PIGK: variants seen among roughly 807,000 people sequenced by gnomAD.
The protein encoded by PIGK is GPI-anchor transamidase.
A neutral mutation model predicts 50.6 loss-of-function variants in PIGK; 42 were observed. The observed-to-expected ratio is 0.83, with a 90% confidence interval of 0.65 to 1.07. PIGK has a LOEUF of 1.07. Ranked by LOEUF, PIGK falls within the 50% of genes least tolerant of loss-of-function variation. The pLI, the probability that PIGK is intolerant of heterozygous loss-of-function variation, is 0.00. For missense variants in PIGK, 448 were observed against 488.7 expected, an observed-to-expected ratio of 0.92 and a Z score of 0.78; for synonymous variants, 151 against 156.0, an observed-to-expected ratio of 0.97 and a Z score of 0.24.
At chr1:77,212,095 A>C (rs1656434281) in intron 1 of PIGK, among the ~76,000 whole-genome samples, 1 of 152,256 alleles carries the variant, frequency 6.6e-6, no homozygotes, top group Admixed American at 6.5e-5. Context: ...TCACCAATCT[A>C]TTAAAGTAAG....
chr1:77,147,944 T>C, intron 9 of PIGK, among the ~76,000 whole-genome samples: 1 of 152,250 alleles, frequency 6.6e-6, no homozygotes, highest in East Asian at 1.9e-4. Flanking sequence ...ATCAGTTTTA[T>C]GTACTAAAGT....
At position 77,148,290 on chromosome 1, in the gene PIGK, G is replaced by A. The variant is rs1415854500; in HGVS notation, c.986+6159C>T. ...CTATGTAAAAATTCCTGAACCACTG[G>A]GAGCCTGATTCTCATAAATTAACTG... On this transcript the variant is annotated intron_variant, in intron 9 of 10. Coordinates refer to ENST00000370812, the MANE Select transcript of PIGK (RefSeq NM_005482.3). Among the ~76,000 whole-genome samples, 4 of 152,030 alleles carry A rather than the reference G, an allele frequency of 2.6e-5. No individual in the cohort carries two copies. In the East Asian group the frequency reaches 7.7e-4, roughly 29 times the overall value.
chr1:77,203,988 T>C (rs1370592905), intron 3 of PIGK, among the ~76,000 whole-genome samples: 2 of 152,198 alleles, frequency 1.3e-5, no homozygotes, highest in Admixed American at 6.5e-5. Context: ...TTGAACAATA[T>C]GAAATCTGGG....
chr1:77,209,766 C>T (rs1656373992), intron 2 of PIGK, among the ~76,000 whole-genome samples: 1 of 152,178 alleles, frequency 6.6e-6, no homozygotes, highest in African/African-American at 2.4e-5. Flanking sequence ...TCCATACCTA[C>T]TGGCAGGGAA....
At chr1:77,126,880 T>G (rs541203151) in intron 9 of PIGK, among the ~76,000 whole-genome samples, 27 of 152,174 alleles carry the variant, frequency 1.8e-4, no homozygotes, top group Non-Finnish European at 3.8e-4. Context: ...TTTGAGTCAT[T>G]TCAGAAGCCC....
intron 9 of PIGK, chr1:77,129,721 AT>A: frequency 1.5e-6 from 1 of 649,612 alleles, no homozygotes; most frequent in African/African-American, 2.6e-5. Context: ...ATAAAAATAA[AT>A]AAATAAATAA....
chr1:77,188,038 G>A (rs4949776), intron 3 of PIGK, among the ~76,000 whole-genome samples: 26,640 of 152,116 alleles, frequency 0.18, 2,529 homozygotes, highest in East Asian at 0.36. Flanking sequence ...CGAGGAAGAT[G>A]TATGTCGCCT....
At chr1:77,202,279 T>C (rs1656187716) in intron 3 of PIGK, among the ~76,000 whole-genome samples, 1 of 152,154 alleles carries the variant, frequency 6.6e-6, no homozygotes, top group African/African-American at 2.4e-5. Flanking sequence ...GAGAAATACA[T>C]AGTATAACAT....
rs758359758 is a variant in PIGK at position 77,161,589 on chromosome 1, C to T, written c.702+5G>A. On this transcript the variant is annotated splice_donor_5th_base_variant and intron_variant, in intron 7 of 10. Coordinates refer to ENST00000370812, the MANE Select transcript of PIGK (RefSeq NM_005482.3). ...ACAGTTTACAAATGGGGAAAATGCACATACCGAGAGTGAATCTTCTCCCAC... is the reference window on the plus strand; with the variant it reads ...ACAGTTTACAAATGGGGAAAATGCATATACCGAGAGTGAATCTTCTCCCAC... 5 of 1,285,952 alleles carry T rather than the reference C, an allele frequency of 3.9e-6. No individual in the cohort carries two copies. Among genetic ancestry groups the T allele is most frequent in the South Asian group, 3.6e-5 (3 of 84,434 alleles). The allele number at this position is 1,285,952 out of a possible 1,614,324, so 79.7% of individuals were successfully genotyped here. A position where few individuals can be genotyped will look rare whatever the true frequency, so the allele number is the denominator to read the frequency against.
At chr1:77,217,941 G>T (rs1413598210) in intron 1 of PIGK, among the ~76,000 whole-genome samples, 1 of 152,158 alleles carries the variant, frequency 6.6e-6, no homozygotes, top group Non-Finnish European at 1.5e-5. Flanking sequence ...AGCAGTCAAA[G>T]TTAGAATAAA....
intron 6 of PIGK, among the ~76,000 whole-genome samples, chr1:77,162,205 G>A (rs2100556161): frequency 6.6e-6 from 1 of 152,238 alleles, no homozygotes; most frequent in African/African-American, 2.4e-5. Flanking sequence ...AATAGTCCCT[G>A]CCCTCATATA....
intron 9 of PIGK, among the ~76,000 whole-genome samples, chr1:77,143,506 C>T (rs1213845538): frequency 1.3e-5 from 2 of 151,892 alleles, no homozygotes; most frequent in Non-Finnish European, 2.9e-5. Context: ...ATTTTTCCCC[C>T]ATAATAAAAG....
intron 3 of PIGK, among the ~76,000 whole-genome samples, chr1:77,192,712 G>A (rs1001309312): frequency 6.6e-6 from 1 of 152,164 alleles, no homozygotes; most frequent in Non-Finnish European, 1.5e-5. Flanking sequence ...CATAGAAGTA[G>A]TGATTAAAAT....
intron 3 of PIGK, among the ~76,000 whole-genome samples, chr1:77,171,436 CAAAAAAAAAAAAAAAA>C (rs58788160): frequency 2.1e-5 from 1 of 46,890 alleles, no homozygotes; most frequent in South Asian, 8.7e-4. Flanking sequence ...GACTCCACCT[CAAAAAAAAAAAAAAAA>C]AAAAAAAAAA....
intron 8 of PIGK, among the ~76,000 whole-genome samples, chr1:77,160,104 G>T (rs188421695): frequency 6.6e-6 from 1 of 152,278 alleles, no homozygotes; most frequent in Non-Finnish European, 1.5e-5. Flanking sequence ...TTACTCTCAT[G>T]CTATTCTCAT....
chr1:77,176,639 A>C (rs1276581922), intron 3 of PIGK, among the ~76,000 whole-genome samples: 1 of 152,208 alleles, frequency 6.6e-6, no homozygotes, highest in Non-Finnish European at 1.5e-5. Flanking sequence ...TAGGAGGTTC[A>C]TGAAAGGATG....
intron 9 of PIGK, among the ~76,000 whole-genome samples, chr1:77,134,268 G>A (rs1654449685): frequency 6.6e-6 from 1 of 152,104 alleles, no homozygotes; most frequent in Admixed American, 6.5e-5. Flanking sequence ...CCTCTTACCT[G>A]GTACATTCTT....
At chr1:77,146,108 A>T (rs1557805218) in intron 9 of PIGK, among the ~76,000 whole-genome samples, 2 of 152,164 alleles carry the variant, frequency 1.3e-5, no homozygotes. Flanking sequence ...TTTTTTCAAC[A>T]AATGTTACTG....
Position 77,202,401 on chromosome 1 carries a change from A to G in PIGK, c.239+4239T>C, listed in dbSNP as rs528410508. Among the ~76,000 whole-genome samples, 22 of 152,326 alleles carry G rather than the reference A, an allele frequency of 1.4e-4. No individual in the cohort carries two copies. In the South Asian group the frequency reaches 4.4e-3, roughly 30 times the overall value. ...AAGCTTTAGGGAATTCATGGATTGA[A>G]TCTGGACATCAGAAAACTAGAGGGG... On this transcript the variant is annotated intron_variant, in intron 3 of 10. Transcript: ENST00000370812.
Sources: allele counts gnomAD v4.1 joint callset (sites outside exome capture counted in the v4.1 genomes callset), GRCh38; gene constraint gnomAD v4.1.1; transcripts MANE v1.5; gene names NCBI Gene and HGNC (gene_info 2026-07-23, HGNC 2026-07-21).